The following GCC2 variants were observed in gnomAD, a reference collection of about 807,000 sequenced individuals.
GCC2 encodes the protein GRIP and coiled-coil domain-containing protein 2.
A neutral mutation model predicts 210.6 loss-of-function variants in GCC2; 120 were observed. That is an observed-to-expected ratio of 0.57 (90% CI 0.49 to 0.66). GCC2 has a LOEUF of 0.66. GCC2 is among the 30% of genes least tolerant of loss of function. GCC2 has a pLI of 0.00. For missense variants in GCC2, 1,868 were observed against 1,871.9 expected (o/e 1.00, Z 0.04); for synonymous variants, 703 against 652.7 (o/e 1.08, Z -1.17).
chr2:108,454,994 A>G (rs940548461), intron 4 of GCC2, among the ~76,000 whole-genome samples: 1 of 151,962 alleles, frequency 6.6e-6, no homozygotes, highest in African/African-American at 2.4e-5. Flanking sequence ...GTGTTAGAAA[A>G]CACTCTAGAA....
intron 17 of GCC2, 51 bp downstream of exon 17, chr2:108,487,871 TCAC>T: frequency 1.4e-6 from 2 of 1,458,296 alleles, no homozygotes; most frequent in Non-Finnish European, 1.9e-6. Context: ...TGCAGGTTCT[TCAC>T]CAAGTAGATT....
intron 7 of GCC2, chr2:108,473,353 CAA>C (rs1681339747): frequency 1.3e-5 from 2 of 150,392 alleles, no homozygotes; most frequent in South Asian, 2.1e-4. Context: ...GGTTTTCAGC[CAA>C]GTCTTGAAGA....
Position 108,485,888 on chromosome 2 carries a change from C to A in GCC2, c.3772C>A (p.Gln1258Lys). The A allele has an allele frequency of 6.3e-7, 1 of 1,578,106 alleles. No individual in the cohort carries two copies. Among genetic ancestry groups the A allele is most frequent in the Non-Finnish European group, 8.6e-7 (1 of 1,156,092 alleles). Residue 1258 changes from glutamine to lysine, a missense_variant, in exon 15 of 23, where the codon CAG becomes AAG. Physicochemically the swap from Gln to Lys is moderately conservative, Grantham distance 53 (BLOSUM62 1). Around this residue, in one of 3 missense-constraint regions of GCC2, gnomAD observed 1,847 missense variants for 1,765.2 expected, o/e 1.05. Coordinates refer to ENST00000309863, the MANE Select transcript of GCC2 (RefSeq NM_181453.4). The stretch of plus-strand genomic sequence containing the variant: ...AAAAGGTGAGCTGGAGGCAAGCCAG[C>A]AGCAAGTAGAAGTCTATAAAGTAAG... ...SLKGELEASQQQVEVYKIQLA... is the reference protein window; with the variant it reads ...SLKGELEASQKQVEVYKIQLA...
intron 4 of GCC2, among the ~76,000 whole-genome samples, chr2:108,460,356 A>G (rs556936618): frequency 6.6e-6 from 1 of 152,126 alleles, no homozygotes; most frequent in East Asian, 1.9e-4. Context: ...CTCCATTTAC[A>G]TGCAGTTATT....
intron 3 of GCC2, 151 bp from the exon 4 acceptor site, chr2:108,452,248 G>C (rs1679983835): frequency 3.2e-6 from 2 of 634,678 alleles, no homozygotes; most frequent in South Asian, 1.8e-5. Context: ...CTGAAGTATA[G>C]TGATGAGTGC....
intron 12 of GCC2, among the ~76,000 whole-genome samples, chr2:108,483,713 T>TATAC (rs1303639533): frequency 6.6e-5 from 10 of 152,254 alleles, no homozygotes; most frequent in Non-Finnish European, 1.5e-4. Context: ...GTTCATTTTG[T>TATAC]ATACATGATT....
Position 108,470,699 on chromosome 2 carries a change from T to C in GCC2, c.1370T>C (p.Phe457Ser), listed in dbSNP as rs142684498. The part of the protein sequence containing the change: ...DSEKEKLTLM[F>S]EIQGLKEQCE... The stretch of plus-strand genomic sequence containing the variant: ...GAAAAAGAAAAATTAACATTAATGT[T>C]TGAAATACAGGGTCTTAAGGAACAG... Residue 457 changes from phenylalanine (F) to serine (S), a missense_variant, in exon 6 of 23, where the codon TTT becomes TCT. By Grantham distance (155) the Phe-to-Ser change is radical. Transcript: ENST00000309863. 1.8e-4 allele frequency: 284 copies of C among 1,610,322 alleles called. No individual in the cohort carries two copies. The highest frequency in any genetic ancestry group is 2.3e-4 in the Non-Finnish European group (272 of 1,178,528).
In GCC2 at chr2:108,484,314, G is replaced by T; in HGVS notation, c.3613+3G>T. Reference sequence around the variant, plus strand: ...AGAAACCCTACAAGAAGAAATAAGTGAGTTAAAGAAAATTCACTTTACTTT... The same window carrying T: ...AGAAACCCTACAAGAAGAAATAAGTTAGTTAAAGAAAATTCACTTTACTTT... On this transcript the variant is annotated splice_donor_region_variant and intron_variant, in intron 13 of 22. Coordinates refer to ENST00000309863, the MANE Select transcript of GCC2 (RefSeq NM_181453.4). 6.9e-7 allele frequency: 1 copy of T among 1,446,986 alleles called. No homozygotes were observed. The highest frequency in any genetic ancestry group is 2.4e-5 in the East Asian group (1 of 42,110). The allele number at this position is 1,446,986 out of a possible 1,614,324, so 89.6% of individuals were successfully genotyped here. A position where few individuals can be genotyped will look rare whatever the true frequency, so the allele number is the denominator to read the frequency against.
In GCC2 at chr2:108,451,015, C is replaced by G; in HGVS notation, c.64-13C>G. On this transcript the variant is annotated splice_polypyrimidine_tract_variant and intron_variant, in intron 2 of 22. Transcript: ENST00000309863. ...GAGTTATAACAAGTTGGTAACATGA[C>G]CACATCTTTCAGCTGGAAACATTGC... 1 of 1,584,146 alleles carries G rather than the reference C, an allele frequency of 6.3e-7. No individual in the cohort carries two copies. The highest frequency in any genetic ancestry group is 8.7e-7 in the Non-Finnish European group (1 of 1,153,284).
At position 108,451,087 on chromosome 2, in the gene GCC2, A is replaced by G. The variant is rs1483211892; in HGVS notation, c.123A>G (p.Ile41Met). Reference protein sequence around the residue: ...IKFAKKQMMLIQKAKSRCTEL... With the variant: ...IKFAKKQMMLMQKAKSRCTEL... ...TTGCCAAGAAACAGATGATGCTAAT[A>G]CAGAAAGCTAAATCAAGGTGTACAG... The change falls in exon 3 of 23, where the codon ATA becomes ATG. Residue 41 changes from isoleucine (I) to methionine (M), a missense_variant. Coordinates refer to ENST00000309863, the MANE Select transcript of GCC2 (RefSeq NM_181453.4). The G allele has an allele frequency of 5.0e-6, 8 of 1,609,572 alleles. No homozygotes were observed. In the East Asian group the frequency reaches 6.7e-5, roughly 13 times the overall value.
At chr2:108,464,422 A>G (rs1174379246) in intron 4 of GCC2, among the ~76,000 whole-genome samples, 2 of 152,152 alleles carry the variant, frequency 1.3e-5, no homozygotes, top group Non-Finnish European at 2.9e-5. Context: ...CCACTTTTCA[A>G]AACTCAGGGG....
chr2:108,466,332 C>T (rs1680880637), intron 4 of GCC2, among the ~76,000 whole-genome samples: 1 of 151,654 alleles, frequency 6.6e-6, no homozygotes, highest in Non-Finnish European at 1.5e-5. Context: ...TCAGCCACCA[C>T]ACCCGGCCAA....
In GCC2 at chr2:108,489,896, A is replaced by T. The variant is rs1682326341; in HGVS notation, c.4111A>T (p.Asn1371Tyr). The change falls in exon 18 of 23, where the codon AAC (asparagine) becomes TAC (tyrosine). Residue 1371 changes from asparagine (N) to tyrosine (Y), a missense_variant. By Grantham distance (143) the Asn-to-Tyr change is moderately radical (BLOSUM62 -2). This residue lies in a region of GCC2 where 1,847 missense variants were observed against 1,765.2 expected (regional missense o/e 1.05). Transcript: ENST00000309863. ...LKIKLQDSQNNLQINVSELQT... is the reference protein window; with the variant it reads ...LKIKLQDSQNYLQINVSELQT... ...AATCAAATTACAAGATAGCCAAAAT[A>T]ACTTACAGATTAATGTATCTGAACT... 6.2e-7 allele frequency: 1 copy of T among 1,610,630 alleles called. No individual in the cohort carries two copies. The highest frequency in any genetic ancestry group is 1.1e-5 in the South Asian group (1 of 90,702).
intron 17 of GCC2, 39 bp downstream of exon 17, chr2:108,487,859 A>G (rs749915320): frequency 1.3e-6 from 2 of 1,576,024 alleles, no homozygotes; most frequent in Non-Finnish European, 8.7e-7. Context: ...TTCCTCCCAC[A>G]ATGCAGGTTC....
In GCC2 at chr2:108,481,624, G is replaced by A. The variant is rs1314966478; in HGVS notation, c.3061-73G>A. 2.7e-6 allele frequency: 3 copies of A among 1,099,986 alleles called. No individual in the cohort carries two copies. In the African/African-American group the frequency reaches 4.7e-5, roughly 17 times the overall value. 68.1% of individuals were successfully genotyped at this position (1,099,986 alleles called of 1,614,324 possible). ...CCAGAATGGACTCATGAATCTTAAG[G>A]TGGCTTGATGATGAAGTCTGACCTG... On this transcript the variant is annotated intron_variant, in intron 9 of 22. Transcript: ENST00000309863.
At chr2:108,469,288 T>G (rs973502036) in intron 5 of GCC2, 6 of 445,118 alleles carry the variant, frequency 1.3e-5, no homozygotes, top group Admixed American at 7.6e-5. Context: ...TGTTGCATTA[T>G]CTTTTTTATA....
In GCC2 at chr2:108,450,909, G is replaced by T. The variant is rs1011386611; in HGVS notation, c.64-119G>T. On this transcript the variant is annotated intron_variant, in intron 2 of 22. Coordinates refer to ENST00000309863, the MANE Select transcript of GCC2 (RefSeq NM_181453.4). ...AAAAAAAATGTGGAACAAAGTATGC[G>T]GTTGGCATAAAGATTTATTCTGTAG... The T allele has an allele frequency of 4.5e-6, 3 of 669,576 alleles. No homozygotes were observed. In the African/African-American group the frequency reaches 5.5e-5, roughly 12 times the overall value. 41.5% of individuals were successfully genotyped at this position (669,576 alleles called of 1,614,324 possible). A position where few individuals can be genotyped will look rare whatever the true frequency, so the allele number is the denominator to read the frequency against.
At chr2:108,493,321 C>G in intron 19 of GCC2, 1 of 692,338 alleles carries the variant, frequency 1.4e-6, no homozygotes, top group African/African-American at 1.9e-5. Flanking sequence ...ATCTCCTGAC[C>G]TCGTGATCCA....
intron 4 of GCC2, among the ~76,000 whole-genome samples, chr2:108,461,030 C>T (rs1374933396): frequency 6.6e-6 from 1 of 152,212 alleles, no homozygotes; most frequent in African/African-American, 2.4e-5. Flanking sequence ...CTTGAAGAAC[C>T]ATGAGCCAAT....
Sources: allele counts gnomAD v4.1 joint callset (sites outside exome capture counted in the v4.1 genomes callset), GRCh38; gene constraint gnomAD v4.1.1; regional missense constraint gnomAD v4.1.1; transcripts MANE v1.5; gene names NCBI Gene and HGNC (gene_info 2026-07-23, HGNC 2026-07-21).